MACF1: variants seen among roughly 807,000 people sequenced by gnomAD.
The protein encoded by MACF1 is microtubule actin crosslinking factor 1, also known as microtubule-actin cross-linking factor 1.
MACF1 carries 193 observed loss-of-function variants against 854.8 expected under a neutral mutation model. That is an observed-to-expected ratio of 0.23 (90% CI 0.20 to 0.25). The LOEUF (loss-of-function observed/expected upper bound fraction) is 0.25. MACF1 is among the 10% of genes least tolerant of loss of function. MACF1 has a pLI of 1.00. For missense variants in MACF1, 7,722 were observed against 8,929.1 expected (o/e 0.86, Z 5.45); for synonymous variants, 3,185 against 3,226.7 (o/e 0.99, Z 0.44).
chr1:39,241,762 T>A (rs1336386554), intron 2 of MACF1, among the ~76,000 whole-genome samples: 2 of 151,236 alleles, frequency 1.3e-5, no homozygotes, highest in East Asian at 3.9e-4. Context: ...AAATTGATAA[T>A]CTGTCATTTT....
chr1:39,112,993 G>A (rs1388293131), intron 2 of MACF1, among the ~76,000 whole-genome samples: 1 of 151,382 alleles, frequency 6.6e-6, no homozygotes, highest in Non-Finnish European at 1.5e-5. Flanking sequence ...AAAAAAAAAA[G>A]CAAAAACATC....
intron 55 of MACF1, 29 bp downstream of exon 55, chr1:39,380,402 T>G: frequency 6.2e-7 from 1 of 1,601,356 alleles, no homozygotes. Context: ...GTTACAAATT[T>G]GCTAAGTTAC....
At chr1:39,440,961 C>A in intron 72 of MACF1, 42 bp from the exon 73 acceptor site, 3 of 1,611,760 alleles carry the variant, frequency 1.9e-6, no homozygotes, top group Non-Finnish European at 2.5e-6. Context: ...AAGTTCTGTT[C>A]TGTTTTCTAT....
chr1:39,125,865 C>T lies in MACF1; in HGVS notation c.220+41427C>T, dbSNP rs72922986. Among the ~76,000 whole-genome samples the T allele has an allele frequency of 6.4e-3, 978 of 152,232 alleles. 12 individuals carry two copies. The highest frequency in any genetic ancestry group is 0.022 in the African/African-American group (926 of 41,544). Reference sequence around the variant, plus strand: ...AAAATTAGCTGGGCGTGGTGGCATGCGCCTGTAATCCCAGCTACTTGGAAG... The same window carrying T: ...AAAATTAGCTGGGCGTGGTGGCATGTGCCTGTAATCCCAGCTACTTGGAAG... On this transcript the variant is annotated intron_variant, in intron 2 of 93. Coordinates refer to the MACF1 transcript ENST00000361689.
At chr1:39,202,981 A>G (rs1444287303), upstream of MACF1, among the ~76,000 whole-genome samples, 1 of 152,172 alleles carries the variant, frequency 6.6e-6, no homozygotes, top group Non-Finnish European at 1.5e-5. Flanking sequence ...TTTTCTGGGT[A>G]GTAGGTTATG....
chr1:39,305,088 C>A (rs1646141219), intron 23 of MACF1, among the ~76,000 whole-genome samples: 1 of 151,442 alleles, frequency 6.6e-6, no homozygotes, highest in South Asian at 2.1e-4. Flanking sequence ...TGGTGAAACT[C>A]CGTCTCACTA....
At position 39,334,323 on chromosome 1, in the gene MACF1, G is replaced by C; in HGVS notation, c.7735G>C (p.Ala2579Pro). Residue 2579 changes from alanine (A) to proline (P), a missense_variant, in exon 37 of 101, where the codon GCC (alanine) becomes CCC (proline). This residue lies in a region of MACF1 where 1,531 missense variants were observed against 1,601.6 expected (regional missense o/e 0.96). Coordinates refer to ENST00000564288, the MANE Select transcript of MACF1 (RefSeq NM_001394062.1). ...GAAAAGAGAAATCCAGGAGGTTCAG[G>C]CCTTTACTGGAAACTTTGTGGATCT... ...DLKREIQEVQ[A>P]FTGNFVDLIS... is the part of the protein sequence containing the mutation. The C allele has an allele frequency of 6.2e-7, 1 of 1,614,104 alleles. No homozygotes were observed. Among genetic ancestry groups the C allele is most frequent in the Non-Finnish European group, 8.5e-7 (1 of 1,180,010 alleles).
rs757538846 is a variant in MACF1 at position 39,332,244 on chromosome 1, A to G, written c.5656A>G (p.Ile1886Val). The change falls in exon 37 of 101, where the codon ATT becomes GTT. Residue 1886 changes from isoleucine (I) to valine (V), a missense_variant. By Grantham distance (29) the Ile-to-Val change is conservative. Around this residue, in one of 15 missense-constraint regions of MACF1, gnomAD observed 1,531 missense variants for 1,601.6 expected, o/e 0.96. Coordinates refer to ENST00000564288, the MANE Select transcript of MACF1 (RefSeq NM_001394062.1). ...TAAAATCCTTAGTAACCGACAGCAT[A>G]TTAAGGCTCTGTTTCTACCAGCAAC... ...AHKILSNRQHIKALFLPATTE... is the reference protein window; with the variant it reads ...AHKILSNRQHVKALFLPATTE... 1 of 1,614,072 alleles carries G rather than the reference A, an allele frequency of 6.2e-7. No individual in the cohort carries two copies. Among genetic ancestry groups the G allele is most frequent in the South Asian group, 1.1e-5 (1 of 91,080 alleles).
Position 39,205,086 on chromosome 1 carries a change from G to A in MACF1, c.64G>A (p.Val22Ile), listed in dbSNP as rs1245008484. Residue 22 changes from valine (V) to isoleucine (I), a missense_variant, in exon 1 of 101, where the codon GTT (valine) becomes ATT (isoleucine). Val to Ile is a conservative substitution (Grantham distance 29, BLOSUM62 3). Around this residue, in one of 15 missense-constraint regions of MACF1, gnomAD observed 22 missense variants for 16.1 expected, o/e 1.37. Transcript: ENST00000564288. Reference sequence around the variant, plus strand: ...CTTTATTTTGACTCACGTTCTTGGAGTTGCTGGTGTTCTATACTGGAAGAG... The same window carrying A: ...CTTTATTTTGACTCACGTTCTTGGAATTGCTGGTGTTCTATACTGGAAGAG... Reference protein sequence around the residue: ...TIFILTHVLGVAGVLYWKRHA... With the variant: ...TIFILTHVLGIAGVLYWKRHA... 1 of 703,032 alleles carries A rather than the reference G, an allele frequency of 1.4e-6. No individual in the cohort carries two copies. Among genetic ancestry groups the A allele is most frequent in the South Asian group, 1.5e-5 (1 of 67,604 alleles). 43.5% of individuals were successfully genotyped at this position (703,032 alleles called of 1,614,324 possible).
rs1644160991 is a variant in MACF1 at position 39,443,517 on chromosome 1, A to T, written c.19374A>T (p.Ala6458=). The change falls in exon 79 of 101, where the codon GCA becomes GCT. Residue 6458 remains alanine (A), a synonymous_variant. Transcript: ENST00000564288. ...CTAGAATGGAGAGCCAGCTTTCTGCATCTAAGCCCACAGGAGGACTTCCTG... is the reference window on the plus strand; with the variant it reads ...CTAGAATGGAGAGCCAGCTTTCTGCTTCTAAGCCCACAGGAGGACTTCCTG... ...ELTRMESQLS[A]SKPTGGLPET... The T allele has an allele frequency of 6.2e-7, 1 of 1,613,796 alleles. No homozygotes were observed. The highest frequency in any genetic ancestry group is 1.7e-5 in the Admixed American group (1 of 59,968).
intron 2 of MACF1, among the ~76,000 whole-genome samples, chr1:39,161,322 T>C (rs1415646331): frequency 6.6e-6 from 1 of 151,674 alleles, no homozygotes; most frequent in Non-Finnish European, 1.5e-5. Flanking sequence ...AGCAGAGAGG[T>C]AGGTGAAGTA....
rs1265482565 is a variant in MACF1 at position 39,353,045 on chromosome 1, G to A, written c.11238G>A (p.Lys3746=). Residue 3746 remains lysine, a synonymous_variant, in exon 44 of 101, where the codon AAG becomes AAA. Coordinates refer to ENST00000564288, the MANE Select transcript of MACF1 (RefSeq NM_001394062.1). ...AAKELAENKK[K]IDALLDWVTS... ...AGGAACTGGCAGAGAACAAGAAGAA[G>A]ATCGATGCTCTCCTGGATTGGGTAA... is the stretch of plus-strand genomic sequence containing the variant. 6.2e-7 allele frequency: 1 copy of A among 1,614,038 alleles called. No individual in the cohort carries two copies. Among genetic ancestry groups the A allele is most frequent in the East Asian group, 2.2e-5 (1 of 44,866 alleles).
chr1:39,269,353 G>A, intron 6 of MACF1: 1 of 1,289,834 alleles, frequency 7.8e-7, no homozygotes, highest in Non-Finnish European at 1.0e-6. Context: ...TTTTCAGAGG[G>A]CTGGAGTGTG....
intron 70 of MACF1, chr1:39,436,498 A>C: frequency 6.2e-7 from 1 of 1,613,740 alleles, no homozygotes; most frequent in Non-Finnish European, 8.5e-7. Context: ...GAGGTAAGGT[A>C]CCCATCCCCA....
At chr1:39,311,139 A>G (rs1646291496) in intron 26 of MACF1, 139 bp downstream of exon 26, 1 of 894,946 alleles carries the variant, frequency 1.1e-6, no homozygotes, top group Non-Finnish European at 1.6e-6. Flanking sequence ...TGCAGTCTAT[A>G]AATGTCTTTT....
At chr1:39,390,042 A>G (rs1641969836) in intron 58 of MACF1, among the ~76,000 whole-genome samples, 1 of 152,220 alleles carries the variant, frequency 6.6e-6, no homozygotes, top group Admixed American at 6.5e-5. Flanking sequence ...AAAAGTGTGG[A>G]TTTACTGGGT....
At chr1:39,201,857 C>A (rs1049069449), upstream of MACF1, among the ~76,000 whole-genome samples, 1 of 151,400 alleles carries the variant, frequency 6.6e-6, no homozygotes, top group African/African-American at 2.4e-5. Context: ...CTTTGGTGTT[C>A]CCTGAACATA....
chr1:39,248,767 G>A (rs778456570), intron 2 of MACF1, among the ~76,000 whole-genome samples: 10 of 151,710 alleles, frequency 6.6e-5, no homozygotes, highest in Non-Finnish European at 8.8e-5. Flanking sequence ...TTGTTCTGTC[G>A]CCTATGCTGG....
At chr1:39,400,934 T>C (rs1255807304) in intron 58 of MACF1, among the ~76,000 whole-genome samples, 1 of 152,112 alleles carries the variant, frequency 6.6e-6, no homozygotes, top group Non-Finnish European at 1.5e-5. Context: ...ATGGAAATTA[T>C]GAGGATAAAG....
Sources: gnomAD v4.1 joint callset for allele counts (sites outside exome capture counted in the v4.1 genomes callset) on GRCh38, gnomAD v4.1.1 for gene constraint, gnomAD v4.1.1 regional missense constraint, MANE v1.5 for transcripts, NCBI Gene and HGNC (gene_info 2026-07-23, HGNC 2026-07-21) for gene names.